RB1CC1: variants seen among roughly 807,000 people sequenced by gnomAD.
RB1CC1 encodes RB1-inducible coiled-coil protein 1.
Under a neutral mutation model 177.5 loss-of-function variants are expected in RB1CC1, and 46 were observed. That is an observed-to-expected ratio of 0.26 (90% CI 0.20 to 0.33). The LOEUF (loss-of-function observed/expected upper bound fraction) is 0.33, where lower values mean the gene tolerates loss of function less well. Ranked by LOEUF, RB1CC1 falls within the 10% of genes least tolerant of loss-of-function variation. The probability of loss-of-function intolerance (pLI) is 1.00; values close to 1 mark genes in which losing one functional copy is unlikely to be tolerated. For missense variants in RB1CC1, 1,703 were observed against 1,816.3 expected, an observed-to-expected ratio of 0.94 and a Z score of 1.13; for synonymous variants, 666 against 613.6, an observed-to-expected ratio of 1.09 and a Z score of -1.26.
intron 1 of RB1CC1, among the ~76,000 whole-genome samples, chr8:52,694,384 G>A (rs1396538505): frequency 6.6e-6 from 1 of 152,180 alleles, no homozygotes; most frequent in Non-Finnish European, 1.5e-5. Flanking sequence ...GTAGTCCCCT[G>A]TGGATCCGGA....
rs753677680 is a variant in RB1CC1 at position 52,635,992 on chromosome 8, C to A, written c.4392+23G>T. ...AAAAGTGAACATATTAAACATGGTA[C>A]TTCAAGAAGATAATTTACTTACTCG... On this transcript the variant is annotated intron_variant, in intron 19 of 23. Transcript: ENST00000025008. 3.7e-6 allele frequency: 6 copies of A among 1,604,346 alleles called. No individual in the cohort carries two copies. The South Asian group carries it at 6.7e-5, about 18-fold the overall frequency.
intron 16 of RB1CC1, 136 bp downstream of exon 16, chr8:52,645,566 A>T: frequency 3.2e-6 from 3 of 935,164 alleles, no homozygotes; most frequent in Non-Finnish European, 4.6e-6. Flanking sequence ...GTCAAGAGGA[A>T]ATTTATTAAC....
chr8:52,713,389 T>C (rs761623677), intron 1 of RB1CC1, among the ~76,000 whole-genome samples: 5 of 152,224 alleles, frequency 3.3e-5, no homozygotes, highest in Non-Finnish European at 7.3e-5. Context: ...ATTCAGAAGC[T>C]GCTATTTCTA....
At chr8:52,663,587 A>C (rs1280977212) in intron 8 of RB1CC1, among the ~76,000 whole-genome samples, 1 of 152,170 alleles carries the variant, frequency 6.6e-6, no homozygotes, top group African/African-American at 2.4e-5. Flanking sequence ...AAATGTGTTT[A>C]GCAAGATGTA....
At chr8:52,650,499 T>C (rs1208138749) in intron 15 of RB1CC1, among the ~76,000 whole-genome samples, 7 of 152,218 alleles carry the variant, frequency 4.6e-5, no homozygotes, top group Non-Finnish European at 8.8e-5. Context: ...TATAGATCTC[T>C]TGGCCTTCAC....
Position 52,623,444 on chromosome 8 carries a change from G to C in RB1CC1, c.*338C>G. On this transcript the variant is annotated 3_prime_UTR_variant, in exon 24 of 24. Coordinates refer to ENST00000025008, the MANE Select transcript of RB1CC1 (RefSeq NM_014781.5). The stretch of plus-strand genomic sequence containing the variant: ...ACATTTAACATCTAAGTTCAAGCTA[G>C]TGTATATTTAACAGGCAATTAATAT... The C allele has an allele frequency of 2.8e-6, 1 of 352,386 alleles. No individual in the cohort carries two copies. The allele number at this position is 352,386 out of a possible 1,614,324, so 21.8% of individuals were successfully genotyped here. A position where few individuals can be genotyped will look rare whatever the true frequency, so the allele number is the denominator to read the frequency against.
intron 12 of RB1CC1, among the ~76,000 whole-genome samples, chr8:52,659,522 G>C (rs1851416388): frequency 6.6e-6 from 1 of 151,730 alleles, no homozygotes; most frequent in Non-Finnish European, 1.5e-5. Context: ...GCCAAGAGTT[G>C]CATTAAAAAA....
In RB1CC1 at chr8:52,657,698, C is replaced by T. The variant is rs1445376114; in HGVS notation, c.2131G>A (p.Glu711Lys). 3 of 1,613,970 alleles carry T rather than the reference C, an allele frequency of 1.9e-6. No homozygotes were observed. The East Asian group carries it at 6.7e-5, about 36-fold the overall frequency. The change falls in exon 15 of 24, where the codon GAA becomes AAA. Residue 711 changes from glutamate (E) to lysine (K), a missense_variant. Around this residue, in one of 6 missense-constraint regions of RB1CC1, gnomAD observed 1,169 missense variants for 1,184.7 expected, o/e 0.99. Transcript: ENST00000025008. Reference sequence around the variant, plus strand: ...AAAGAAACTTGGTGAATAGTCTGTTCTATGTTTGGATGGGGAATAGTTTCA... The same window carrying T: ...AAAGAAACTTGGTGAATAGTCTGTTTTATGTTTGGATGGGGAATAGTTTCA... The part of the protein sequence containing the change: ...DFETIPHPNI[E>K]QTIHQVSLDL...
chr8:52,684,516 A>G (rs1379321988), intron 3 of RB1CC1, among the ~76,000 whole-genome samples: 1 of 152,220 alleles, frequency 6.6e-6, no homozygotes, highest in Non-Finnish European at 1.5e-5. Flanking sequence ...TATTATGGTC[A>G]CTATAAAAAT....
At chr8:52,651,271 A>T (rs556451458) in intron 15 of RB1CC1, among the ~76,000 whole-genome samples, 1 of 152,320 alleles carries the variant, frequency 6.6e-6, no homozygotes, top group East Asian at 1.9e-4. Context: ...CATTAAATGA[A>T]AATGAGATGG....
chr8:52,663,935 G>A (rs1196543162), intron 8 of RB1CC1, among the ~76,000 whole-genome samples: 1 of 152,180 alleles, frequency 6.6e-6, no homozygotes, highest in Non-Finnish European at 1.5e-5. Flanking sequence ...ATTCTGGGAA[G>A]AGACTGTATT....
chr8:52,706,227 G>C (rs966483082), intron 1 of RB1CC1, among the ~76,000 whole-genome samples: 6 of 151,740 alleles, frequency 4.0e-5, no homozygotes, highest in Non-Finnish European at 7.4e-5. Flanking sequence ...CCCACCAAGA[G>C]AGCAAGACAA....
intron 20 of RB1CC1, among the ~76,000 whole-genome samples, chr8:52,632,944 A>C (rs919284823): frequency 1.3e-5 from 2 of 152,226 alleles, no homozygotes; most frequent in Non-Finnish European, 2.9e-5. Flanking sequence ...AGACTGAAGC[A>C]TAAGTGACAA....
chr8:52,642,675 T>G (rs1274216850), intron 17 of RB1CC1, 29 bp downstream of exon 17: 1 of 1,569,668 alleles, frequency 6.4e-7, no homozygotes, highest in Non-Finnish European at 8.6e-7. Flanking sequence ...TTTAAAAAAT[T>G]AAAAAAAATA....
chr8:52,685,684 TA>T (rs527908638), intron 2 of RB1CC1, among the ~76,000 whole-genome samples, 164 bp from the exon 3 acceptor site: 1 of 150,750 alleles, frequency 6.6e-6, no homozygotes, highest in Non-Finnish European at 1.5e-5. Context: ...ACTCAATGCT[TA>T]AAAAAAAATA....
intron 7 of RB1CC1, 67 bp from the exon 8 acceptor site, chr8:52,668,258 T>C (rs1852250531): frequency 6.5e-7 from 1 of 1,539,074 alleles, no homozygotes; most frequent in Admixed American, 1.7e-5. Flanking sequence ...TTTCATGCTA[T>C]TCTGACATAC....
chr8:52,702,236 A>T lies in RB1CC1; in HGVS notation c.-167+11839T>A, dbSNP rs529023929. On this transcript the variant is annotated intron_variant, in intron 1 of 23. Coordinates refer to ENST00000025008, the MANE Select transcript of RB1CC1 (RefSeq NM_014781.5). Reference sequence around the variant, plus strand: ...TTATAAAATTAGTTAAATACTCTGTATGGGTACCAGGATGAATAAAATATA... The same window carrying T: ...TTATAAAATTAGTTAAATACTCTGTTTGGGTACCAGGATGAATAAAATATA... Among the ~76,000 whole-genome samples the T allele has an allele frequency of 3.0e-4, 45 of 152,358 alleles. 1 individual carries two copies. The highest frequency in any genetic ancestry group is 1.4e-3 in the Admixed American group (21 of 15,300).
At chr8:52,676,602 A>G in intron 5 of RB1CC1, 31 bp from the exon 6 acceptor site, 1 of 1,569,030 alleles carries the variant, frequency 6.4e-7, no homozygotes. Flanking sequence ...AAAGAAAGTA[A>G]AAGAAGGCAA....
chr8:52,690,771 C>G (rs1310211146), intron 1 of RB1CC1, among the ~76,000 whole-genome samples: 1 of 152,136 alleles, frequency 6.6e-6, no homozygotes, highest in Admixed American at 6.5e-5. Context: ...ACTCCCGTCC[C>G]CCTTACTCAG....
Sources: gnomAD v4.1 joint callset for allele counts (sites outside exome capture counted in the v4.1 genomes callset) on GRCh38, gnomAD v4.1.1 for gene constraint, gnomAD v4.1.1 regional missense constraint, MANE v1.5 for transcripts, NCBI Gene and HGNC (gene_info 2026-07-23, HGNC 2026-07-21) for gene names.